Variants in GPBP1 observed in about 807,000 individuals in gnomAD.
GPBP1 encodes the protein vasculin.
Under a neutral mutation model 56.5 loss-of-function variants are expected in GPBP1, and 13 were observed. The ratio of observed to expected loss-of-function variants is 0.23; its 90% CI spans 0.15 to 0.37. The LOEUF (loss-of-function observed/expected upper bound fraction) is 0.37. GPBP1 is among the 10% of genes least tolerant of loss of function. The pLI, the probability that GPBP1 is intolerant of heterozygous loss-of-function variation, is 1.00. For synonymous variants in GPBP1, 204 were observed against 188.9 expected (o/e 1.08, Z -0.66); for missense variants, 477 against 572.3 (o/e 0.83, Z 1.70).
At chr5:57,225,418 C>T (rs1026361073) in intron 3 of GPBP1, among the ~76,000 whole-genome samples, 26 of 143,510 alleles carry the variant, frequency 1.8e-4, no homozygotes, top group African/African-American at 5.5e-4. Context: ...GGCATGAACC[C>T]GGGAGGCGGA....
At chr5:57,244,610 AT>A (rs1740995850) in intron 6 of GPBP1, among the ~76,000 whole-genome samples, 1 of 152,048 alleles carries the variant, frequency 6.6e-6, no homozygotes, top group Admixed American at 6.6e-5. Context: ...CATTTTATTA[AT>A]GTCAAGAATT....
At chr5:57,230,613 A>G (rs993678498) in intron 3 of GPBP1, 3 of 468,756 alleles carry the variant, frequency 6.4e-6, no homozygotes, top group African/African-American at 6.0e-5. Flanking sequence ...TATTTTTTGG[A>G]AAAAAAGATG....
intron 8 of GPBP1, 24 bp from the exon 9 acceptor site, chr5:57,249,385 C>A: frequency 1.3e-6 from 2 of 1,541,242 alleles, no homozygotes; most frequent in South Asian, 1.2e-5. Flanking sequence ...ACATATTTAT[C>A]AGTATTTCTG....
chr5:57,248,484 G>C (rs1741204894), intron 8 of GPBP1, among the ~76,000 whole-genome samples: 1 of 145,156 alleles, frequency 6.9e-6, no homozygotes, highest in Admixed American at 7.0e-5. Context: ...CTGGAGTGCA[G>C]TGGCGGGATC....
intron 2 of GPBP1, among the ~76,000 whole-genome samples, chr5:57,183,251 C>T (rs547046995): frequency 1.3e-5 from 2 of 152,208 alleles, no homozygotes; most frequent in African/African-American, 2.4e-5. Context: ...CCTGTAATCC[C>T]AGCTACTTGA....
At chr5:57,229,948 G>GTCCCA (rs796626831) in intron 3 of GPBP1, among the ~76,000 whole-genome samples, 61 of 148,848 alleles carry the variant, frequency 4.1e-4, no homozygotes, top group African/African-American at 1.5e-3. Context: ...ATCGCGTCCC[G>GTCCCA]TCCCGTCCCG....
intron 2 of GPBP1, among the ~76,000 whole-genome samples, chr5:57,212,490 G>T (rs1160191923): frequency 4.6e-5 from 7 of 151,956 alleles, no homozygotes; most frequent in Admixed American, 6.6e-5. Flanking sequence ...CTTAAAACCT[G>T]TATTTTGTTT....
At chr5:57,207,323 AT>A (rs929734261) in intron 2 of GPBP1, among the ~76,000 whole-genome samples, 3 of 151,840 alleles carry the variant, frequency 2.0e-5, no homozygotes, top group African/African-American at 7.3e-5. Context: ...AGAGTGTTGG[AT>A]TTTTTTTCTT....
At chr5:57,229,436 C>T (rs1041031737) in intron 3 of GPBP1, among the ~76,000 whole-genome samples, 1 of 152,026 alleles carries the variant, frequency 6.6e-6, no homozygotes, top group Non-Finnish European at 1.5e-5. Flanking sequence ...CATGTTTTCC[C>T]CATTAGGTTG....
Position 57,231,219 on chromosome 5 carries a change from T to C in GPBP1, c.309T>C (p.His103=), listed in dbSNP as rs569603195. Residue 103 remains histidine, a synonymous_variant, in exon 5 of 12, where the codon CAT becomes CAC. Transcript: ENST00000506184. Reference sequence around the variant, plus strand: ...CCCGTTCTCGTAGCAGTATTTTCCATGCAGGAAAAAGCCAAGGACTACATG... The same window carrying C: ...CCCGTTCTCGTAGCAGTATTTTCCACGCAGGAAAAAGCCAAGGACTACATG... ...GSSRSRSSIF[H]AGKSQGLHEN... is the part of the protein sequence containing the mutation. 1.2e-6 allele frequency: 2 copies of C among 1,614,038 alleles called. No individual in the cohort carries two copies. Among genetic ancestry groups the C allele is most frequent in the South Asian group, 1.1e-5 (1 of 91,076 alleles).
chr5:57,237,341 C>G, intron 6 of GPBP1: 1 of 623,734 alleles, frequency 1.6e-6, no homozygotes, highest in Non-Finnish European at 2.9e-6. Flanking sequence ...TCATATAAAA[C>G]TATCTATAGA....
At chr5:57,233,526 A>T (rs1756544683) in intron 5 of GPBP1, among the ~76,000 whole-genome samples, 1 of 152,170 alleles carries the variant, frequency 6.6e-6, no homozygotes, top group Non-Finnish European at 1.5e-5. Flanking sequence ...CAAACTCTTG[A>T]TTATAATATA....
At chr5:57,247,804 C>T (rs1222677434) in intron 8 of GPBP1, among the ~76,000 whole-genome samples, 1 of 152,132 alleles carries the variant, frequency 6.6e-6, no homozygotes, top group Non-Finnish European at 1.5e-5. Context: ...AGTACAGTGG[C>T]TCGTTTGTGG....
chr5:57,229,230 C>CAAAAAAAAAAAAAAAAAAAAAAAAA (rs543005934), intron 3 of GPBP1, among the ~76,000 whole-genome samples: 5 of 77,422 alleles, frequency 6.5e-5, no homozygotes, highest in East Asian at 2.3e-4. Context: ...GACTCCATCT[C>CAAAAAAAAAAAAAAAAAAAAAAAAA]AAAAAAAAAA....
intron 1 of GPBP1, among the ~76,000 whole-genome samples, chr5:57,174,440 G>A (rs993159167): frequency 8.5e-5 from 13 of 152,116 alleles, no homozygotes; most frequent in Non-Finnish European, 1.3e-4. Flanking sequence ...TGTGAGGAGG[G>A]GGTGGGTGGT....
intron 2 of GPBP1, among the ~76,000 whole-genome samples, chr5:57,181,648 C>T (rs1414127905): frequency 1.3e-5 from 2 of 152,000 alleles, no homozygotes; most frequent in East Asian, 1.9e-4. Context: ...TTTTCAAACT[C>T]CTGACCTCAG....
intron 2 of GPBP1, among the ~76,000 whole-genome samples, chr5:57,201,733 T>C (rs1457789485): frequency 6.6e-6 from 1 of 152,236 alleles, no homozygotes; most frequent in Non-Finnish European, 1.5e-5. Flanking sequence ...TTTCATTAAC[T>C]TGTTAAACAG....
intron 5 of GPBP1, among the ~76,000 whole-genome samples, chr5:57,232,946 G>GT (rs1352227873): frequency 6.6e-6 from 1 of 152,174 alleles, no homozygotes; most frequent in African/African-American, 2.4e-5. Flanking sequence ...GAGTAGTTTA[G>GT]TATTAGACAA....
At chr5:57,197,484 A>T (rs1407456929) in intron 2 of GPBP1, among the ~76,000 whole-genome samples, 1 of 150,844 alleles carries the variant, frequency 6.6e-6, no homozygotes, top group Non-Finnish European at 1.5e-5. Flanking sequence ...CAGCCTCCCA[A>T]GTAGCTGGGA....
Sources: allele counts gnomAD v4.1 joint callset (sites outside exome capture counted in the v4.1 genomes callset), GRCh38; gene constraint gnomAD v4.1.1; transcripts MANE v1.5; gene names NCBI Gene and HGNC (gene_info 2026-07-23, HGNC 2026-07-21).